The following SFMBT1 variants were observed in gnomAD, a reference collection of about 807,000 sequenced individuals.
SFMBT1 encodes the protein scm-like with four MBT domains protein 1.
SFMBT1 carries 32 observed loss-of-function variants against 108.7 expected under a neutral mutation model. The observed-to-expected ratio is 0.29, with a 90% CI of 0.22 to 0.40. The LOEUF (loss-of-function observed/expected upper bound fraction) is 0.40, where lower values mean the gene tolerates loss of function less well. Ranked by LOEUF, SFMBT1 falls within the 10% of genes least tolerant of loss-of-function variation. SFMBT1 has a pLI of 1.00. For synonymous variants in SFMBT1, 348 were observed against 369.5 expected (o/e 0.94, Z 0.67); for missense variants, 816 against 1,059.6 (o/e 0.77, Z 3.19).
chr3:52,970,095 T>C (rs1443475841), intron 1 of SFMBT1, among the ~76,000 whole-genome samples: 1 of 150,618 alleles, frequency 6.6e-6, no homozygotes, highest in African/African-American at 2.4e-5. Flanking sequence ...AGCCAGACAC[T>C]GTCTCAAAAA....
intron 1 of SFMBT1, among the ~76,000 whole-genome samples, chr3:52,979,570 G>A (rs540794307): frequency 1.3e-5 from 2 of 152,070 alleles, no homozygotes; most frequent in Non-Finnish European, 2.9e-5. Flanking sequence ...ATTAAAATCC[G>A]GTCACAAGAC....
intron 3 of SFMBT1, among the ~76,000 whole-genome samples, chr3:52,952,623 G>C (rs1315637596): frequency 1.3e-5 from 2 of 152,114 alleles, no homozygotes; most frequent in African/African-American, 2.4e-5. Context: ...ATCTGGTGAG[G>C]GTTCACTTTC....
intron 3 of SFMBT1, among the ~76,000 whole-genome samples, chr3:52,948,410 T>C (rs572382237): frequency 1.6e-4 from 24 of 152,238 alleles, no homozygotes; most frequent in Non-Finnish European, 2.6e-4. Flanking sequence ...ATCCACGATA[T>C]ATCCATATAA....
At chr3:52,955,453 C>T (rs1703747928) in intron 2 of SFMBT1, among the ~76,000 whole-genome samples, 1 of 151,370 alleles carries the variant, frequency 6.6e-6, no homozygotes, top group African/African-American at 2.4e-5. Flanking sequence ...AAATAGAACA[C>T]TAACTAGACT....
chr3:52,948,960 G>A (rs1703477810), intron 3 of SFMBT1, among the ~76,000 whole-genome samples: 1 of 147,872 alleles, frequency 6.8e-6, no homozygotes, highest in Non-Finnish European at 1.5e-5. Context: ...ACTGCACCCA[G>A]CATCCTTGCA....
intron 1 of SFMBT1, among the ~76,000 whole-genome samples, chr3:53,030,771 C>T (rs748559018): frequency 1.4e-5 from 2 of 147,668 alleles, no homozygotes; most frequent in Non-Finnish European, 3.0e-5. Flanking sequence ...GATACAAATA[C>T]ATTAGCAAGT....
At chr3:53,005,370 T>C (rs1698703751) in intron 1 of SFMBT1, among the ~76,000 whole-genome samples, 1 of 152,186 alleles carries the variant, frequency 6.6e-6, no homozygotes, top group Non-Finnish European at 1.5e-5. Context: ...AGTGCAGTGG[T>C]ACAATCATAG....
intron 1 of SFMBT1, among the ~76,000 whole-genome samples, chr3:52,972,079 A>G (rs1221656030): frequency 6.6e-6 from 1 of 152,240 alleles, no homozygotes; most frequent in Non-Finnish European, 1.5e-5. Flanking sequence ...ACACTTCAGC[A>G]TGGTTTTGAT....
intron 1 of SFMBT1, among the ~76,000 whole-genome samples, chr3:53,040,097 A>G (rs1398160573): frequency 6.6e-6 from 1 of 152,162 alleles, no homozygotes; most frequent in Non-Finnish European, 1.5e-5. Flanking sequence ...AGAAGAACCG[A>G]TCCTTAAGAA....
intron 17 of SFMBT1, among the ~76,000 whole-genome samples, chr3:52,909,179 A>G (rs1255078776): frequency 6.6e-6 from 1 of 152,232 alleles, no homozygotes; most frequent in Non-Finnish European, 1.5e-5. Context: ...GTCCTTCTAA[A>G]TTCTAGGCTA....
At chr3:52,995,445 A>G (rs931826740) in intron 1 of SFMBT1, among the ~76,000 whole-genome samples, 2 of 150,218 alleles carry the variant, frequency 1.3e-5, no homozygotes, top group East Asian at 1.9e-4. Context: ...TTGGAATGCA[A>G]TGGGCACGAT....
At chr3:52,918,657 GTGTA>G in intron 12 of SFMBT1, 131 bp from the exon 13 acceptor site, 3 of 443,748 alleles carry the variant, frequency 6.8e-6, no homozygotes, top group Non-Finnish European at 1.2e-5. Flanking sequence ...ATATGTGTGT[GTGTA>G]TATATATATA....
chr3:52,964,877 GTATACA>G (rs1456493465), intron 2 of SFMBT1, among the ~76,000 whole-genome samples: 1 of 152,088 alleles, frequency 6.6e-6, no homozygotes, highest in Non-Finnish European at 1.5e-5. Context: ...CTCATCAAAT[GTATACA>G]TATACATATA....
At position 52,917,576 on chromosome 3, in the gene SFMBT1, C is replaced by T. The variant is rs559046826; in HGVS notation, c.1415+908G>A. Among the ~76,000 whole-genome samples the T allele has an allele frequency of 1.3e-3, 191 of 152,232 alleles. 1 individual carries two copies. Among genetic ancestry groups the T allele is most frequent in the African/African-American group, 4.5e-3 (187 of 41,528 alleles). On this transcript the variant is annotated intron_variant, in intron 13 of 20. Transcript: ENST00000394752. ...GTGGTTTAAAGCAGGGGTCCCCAAC[C>T]CCAGGGCCACGGACCAGTACCCGTC...
rs1428797672 is a variant in SFMBT1, at chr3:52,928,601, C to CATATATATAT, written c.898-261_898-260insATATATATAT. The CATATATATAT allele has an allele frequency of 1.7e-4, 21 of 126,300 alleles. 1 individual carries two copies. Among genetic ancestry groups the CATATATATAT allele is most frequent in the African/African-American group, 5.9e-4 (21 of 35,666 alleles). 7.8% of individuals were successfully genotyped at this position (126,300 alleles called of 1,614,324 possible). On this transcript the variant is annotated intron_variant, in intron 8 of 20. Coordinates refer to ENST00000394752, the MANE Select transcript of SFMBT1 (RefSeq NM_016329.4). ...ATATATACATATATACATATATATACATATATACATATATATACATATATA... is the reference window on the plus strand; with the variant it reads ...ATATATACATATATACATATATATACATATATATATATATATACATATATATACATATATA...
At chr3:52,989,660 A>G (rs1259096030) in intron 1 of SFMBT1, among the ~76,000 whole-genome samples, 1 of 151,680 alleles carries the variant, frequency 6.6e-6, no homozygotes, top group African/African-American at 2.4e-5. Flanking sequence ...TTAGCTGGGC[A>G]TGGTGGCGCG....
intron 1 of SFMBT1, among the ~76,000 whole-genome samples, chr3:52,998,984 T>C (rs1279328485): frequency 1.3e-5 from 2 of 150,816 alleles, no homozygotes; most frequent in Non-Finnish European, 3.0e-5. Flanking sequence ...AGCTGGGTAC[T>C]AAACTGGCTC....
chr3:52,941,593 C>CAAAAA (rs145581859), intron 4 of SFMBT1, among the ~76,000 whole-genome samples: 15,679 of 63,838 alleles, frequency 0.25, 3,344 homozygotes, highest in Non-Finnish European at 0.32. Flanking sequence ...GACTCTGTTT[C>CAAAAA]AAAAAAAAAA....
intron 1 of SFMBT1, among the ~76,000 whole-genome samples, chr3:52,978,810 A>C (rs1302855672): frequency 6.6e-6 from 1 of 152,224 alleles, no homozygotes. Flanking sequence ...TACATACTAC[A>C]ACAAGGATAA....
Sources: allele counts gnomAD v4.1 joint callset (sites outside exome capture counted in the v4.1 genomes callset), GRCh38; gene constraint gnomAD v4.1.1; transcripts MANE v1.5; gene names NCBI Gene and HGNC (gene_info 2026-07-23, HGNC 2026-07-21).